The following TRAF3 variants were observed in gnomAD, a reference collection of about 807,000 sequenced individuals.
The protein encoded by TRAF3 is TNF receptor associated factor 3.
In TRAF3, 13 loss-of-function variants were observed where a neutral mutation model predicts 62.3. That is an observed-to-expected ratio of 0.21 (90% CI 0.14 to 0.33). The LOEUF is 0.33. TRAF3 is among the 10% of genes least tolerant of loss of function. TRAF3 has a pLI of 1.00. For missense variants in TRAF3, 440 were observed against 741.8 expected, an observed-to-expected ratio of 0.59 and a Z score of 4.73; for synonymous variants, 269 against 283.4, an observed-to-expected ratio of 0.95 and a Z score of 0.51.
At chr14:102,798,849 C>T (rs1898238431) in intron 1 of TRAF3, among the ~76,000 whole-genome samples, 1 of 152,136 alleles carries the variant, frequency 6.6e-6, no homozygotes, top group Non-Finnish European at 1.5e-5. Context: ...TAAAAATGCT[C>T]CATGAGGCAT....
chr14:102,860,235 C>T (rs1887604365), intron 2 of TRAF3, among the ~76,000 whole-genome samples: 1 of 152,194 alleles, frequency 6.6e-6, no homozygotes, highest in Non-Finnish European at 1.5e-5. Flanking sequence ...AGTTATATTA[C>T]ACACCAAAGT....
At chr14:102,785,737 G>A (rs1897464526) in intron 1 of TRAF3, among the ~76,000 whole-genome samples, 1 of 152,204 alleles carries the variant, frequency 6.6e-6, no homozygotes, top group East Asian at 1.9e-4. Flanking sequence ...TTTTGAACGT[G>A]CAACCAGGAG....
At chr14:102,824,887 C>T (rs1365729105) in intron 1 of TRAF3, among the ~76,000 whole-genome samples, 2 of 152,176 alleles carry the variant, frequency 1.3e-5, no homozygotes, top group Admixed American at 6.5e-5. Flanking sequence ...ACAGTCATGC[C>T]TTACATTTTG....
intron 2 of TRAF3, among the ~76,000 whole-genome samples, chr14:102,869,833 C>T (rs1384943395): frequency 6.6e-6 from 1 of 151,420 alleles, no homozygotes; most frequent in East Asian, 2.0e-4. Context: ...TTTTTGGAGA[C>T]AGGGCCTCGC....
At chr14:102,891,225 C>G in intron 8 of TRAF3, 100 bp from the exon 9 acceptor site, 2 of 1,131,950 alleles carry the variant, frequency 1.8e-6, no homozygotes, top group African/African-American at 1.5e-5. Context: ...TAGGTCTCCC[C>G]TCTTTGTGTT....
rs1200845197 is a variant in TRAF3, at chr14:102,903,804, G to A, written c.1135+375G>A. On this transcript the variant is annotated intron_variant, in intron 11 of 11. Coordinates refer to ENST00000392745, the MANE Select transcript of TRAF3 (RefSeq NM_145725.3). This position sits in a 1 kb window ranked among gnomAD's most constrained non-coding sequence, Gnocchi z 6.4. ...GGGCGCCCCAGACCCCACTCCTAAG[G>A]GCCAGGGGGCAGCAGTCCCACCGCG... 7 of 478,582 alleles carry A rather than the reference G, an allele frequency of 1.5e-5. No homozygotes were observed. The highest frequency in any genetic ancestry group is 1.1e-4 in the South Asian group (7 of 64,752). 29.6% of individuals were successfully genotyped at this position (478,582 alleles called of 1,614,324 possible). A position where few individuals can be genotyped will look rare whatever the true frequency, so the allele number is the denominator to read the frequency against.
intron 1 of TRAF3, among the ~76,000 whole-genome samples, chr14:102,822,803 C>G (rs917014226): frequency 2.0e-5 from 3 of 152,074 alleles, no homozygotes; most frequent in Non-Finnish European, 4.4e-5. Context: ...GTCAGGAGTT[C>G]GAGACCCAGC....
chr14:102,854,246 A>G (rs1012134742), intron 2 of TRAF3, among the ~76,000 whole-genome samples: 1 of 152,092 alleles, frequency 6.6e-6, no homozygotes, highest in African/African-American at 2.4e-5. Context: ...GCTGCTGTGA[A>G]CGTTTGTGAA....
chr14:102,824,763 G>A (rs1227334883), intron 1 of TRAF3, among the ~76,000 whole-genome samples: 4 of 152,230 alleles, frequency 2.6e-5, no homozygotes. Context: ...TAAAGGGGCA[G>A]GATTTGCCAT....
At chr14:102,893,364 T>A (rs1311141648) in intron 9 of TRAF3, among the ~76,000 whole-genome samples, 3 of 143,342 alleles carry the variant, frequency 2.1e-5, no homozygotes, top group Non-Finnish European at 4.5e-5. Flanking sequence ...CACTCCAGCC[T>A]GGGCGACAGA....
chr14:102,794,963 T>G (rs12432777), intron 1 of TRAF3, among the ~76,000 whole-genome samples: 1 of 152,006 alleles, frequency 6.6e-6, no homozygotes, highest in Non-Finnish European at 1.5e-5. Context: ...TGTTGAAACC[T>G]TCCCTTTTAT....
chr14:102,845,057 C>T (rs191631418), intron 2 of TRAF3, among the ~76,000 whole-genome samples: 37 of 151,348 alleles, frequency 2.4e-4, no homozygotes, highest in Admixed American at 1.1e-3. Context: ...GCCAGCACGC[C>T]GGCTAATTTT....
intron 6 of TRAF3, among the ~76,000 whole-genome samples, chr14:102,879,084 G>A (rs1888889013): frequency 6.6e-6 from 1 of 152,032 alleles, no homozygotes; most frequent in Non-Finnish European, 1.5e-5. Context: ...ATGGGGGTGA[G>A]TTTGGTGGCT....
intron 6 of TRAF3, 110 bp downstream of exon 6, chr14:102,876,635 CAT>C: frequency 7.1e-7 from 1 of 1,415,742 alleles, no homozygotes; most frequent in Non-Finnish European, 9.7e-7. Flanking sequence ...TCCCTCAACT[CAT>C]AGATAATCCG....
Position 102,829,529 on chromosome 14 carries a change from G to A in TRAF3, c.-156-805G>A, listed in dbSNP as rs535762479. On this transcript the variant is annotated intron_variant, in intron 1 of 11. Transcript: ENST00000392745. ...TCAGTCCATGCACTGTGTAGAAGGGGCTGGCTCATCTGTACCTCCTGAGGG... is the reference window on the plus strand; with the variant it reads ...TCAGTCCATGCACTGTGTAGAAGGGACTGGCTCATCTGTACCTCCTGAGGG... Among the ~76,000 whole-genome samples the A allele has an allele frequency of 1.4e-4, 21 of 152,314 alleles. No homozygotes were observed. The South Asian group carries it at 4.1e-3, about 30-fold the overall frequency.
At chr14:102,812,779 C>T (rs920370605) in intron 1 of TRAF3, among the ~76,000 whole-genome samples, 1 of 151,472 alleles carries the variant, frequency 6.6e-6, no homozygotes, top group African/African-American at 2.4e-5. Context: ...ATTAGCCGGG[C>T]ACGGTGGCGG....
intron 2 of TRAF3, among the ~76,000 whole-genome samples, chr14:102,868,569 G>A (rs775817546): frequency 1.3e-5 from 2 of 152,182 alleles, no homozygotes; most frequent in Admixed American, 1.3e-4. Flanking sequence ...AGTTCATGGT[G>A]CACACGCTGA....
At chr14:102,863,093 C>T (rs7145509) in intron 2 of TRAF3, among the ~76,000 whole-genome samples, 3 of 152,014 alleles carry the variant, frequency 2.0e-5, no homozygotes, top group African/African-American at 2.4e-5. Context: ...TTCATCCATA[C>T]GTCTAATGCC....
At chr14:102,854,437 A>G (rs1321563441) in intron 2 of TRAF3, among the ~76,000 whole-genome samples, 1 of 152,210 alleles carries the variant, frequency 6.6e-6, no homozygotes, top group Non-Finnish European at 1.5e-5. Context: ...TATCCTTGCT[A>G]ACACTTGTGA....
Sources: gnomAD v4.1 joint callset for allele counts (sites outside exome capture counted in the v4.1 genomes callset) on GRCh38, gnomAD v4.1.1 for gene constraint, Gnocchi (gnomAD v3.1) non-coding constraint, MANE v1.5 for transcripts, NCBI Gene and HGNC (gene_info 2026-07-23, HGNC 2026-07-21) for gene names.